Variants in CTNNA3 observed in about 807,000 individuals in gnomAD.
CTNNA3 encodes catenin alpha-3.
In CTNNA3, 76 loss-of-function variants were observed where a neutral mutation model predicts 95.7. The observed-to-expected ratio is 0.79, with a 90% CI of 0.66 to 0.96. The LOEUF is 0.96. Among genes scored for constraint, CTNNA3 ranks in the 40% least tolerant of loss-of-function variants. CTNNA3 has a pLI of 0.00. For synonymous variants in CTNNA3, 431 were observed against 374.4 expected (o/e 1.15, Z -1.74); for missense variants, 1,191 against 1,089.8 (o/e 1.09, Z -1.31).
chr10:67,153,429 C>A (rs1861172156), intron 7 of CTNNA3, among the ~76,000 whole-genome samples: 1 of 152,174 alleles, frequency 6.6e-6, no homozygotes, highest in South Asian at 2.1e-4. Flanking sequence ...ATTTTATATA[C>A]TTTATCTCAT....
intron 9 of CTNNA3, among the ~76,000 whole-genome samples, chr10:66,635,252 T>C (rs76211630): frequency 0.023 from 3,526 of 152,134 alleles, 146 homozygotes; most frequent in African/African-American, 0.081. Flanking sequence ...ATGAAACAAA[T>C]CTAAACTATA....
At chr10:66,598,285 C>T (rs1480359868) in intron 10 of CTNNA3, among the ~76,000 whole-genome samples, 1 of 151,948 alleles carries the variant, frequency 6.6e-6, no homozygotes, top group East Asian at 1.9e-4. Flanking sequence ...CCATTTATGA[C>T]AAATCCACAG....
chr10:67,409,286 G>GT (rs776619761), intron 5 of CTNNA3, among the ~76,000 whole-genome samples: 10 of 152,002 alleles, frequency 6.6e-5, no homozygotes, highest in Non-Finnish European at 1.0e-4. Context: ...GCATGCACAC[G>GT]TATGTTTATT....
intron 6 of CTNNA3, among the ~76,000 whole-genome samples, chr10:67,194,280 T>C (rs1297011488): frequency 2.0e-5 from 3 of 152,062 alleles, no homozygotes; most frequent in African/African-American, 7.2e-5. Flanking sequence ...TTATAGCAGC[T>C]TTATTCATAA....
Position 67,180,489 on chromosome 10 carries a change from G to A in CTNNA3, c.875C>T (p.Thr292Ile). ...TAGTGATGGTCGTATTTCCTCCTCAGTTACTGTGAGTGGATTCAGGACAAT... is the reference window on the plus strand; with the variant it reads ...TAGTGATGGTCGTATTTCCTCCTCAATTACTGTGAGTGGATTCAGGACAAT... ...NLIVLNPLTV[T>I]EEEIRPSLEK... Residue 292 changes from threonine to isoleucine, a missense_variant, in exon 7 of 18, where the codon ACT becomes ATT. Coordinates refer to ENST00000433211, the MANE Select transcript of CTNNA3 (RefSeq NM_013266.4). The A allele has an allele frequency of 4.3e-6, 7 of 1,613,706 alleles. No homozygotes were observed. The highest frequency in any genetic ancestry group is 5.1e-6 in the Non-Finnish European group (6 of 1,179,720).
intron 17 of CTNNA3, among the ~76,000 whole-genome samples, chr10:65,941,003 CT>C (rs1399241102): frequency 6.6e-6 from 1 of 152,148 alleles, no homozygotes; most frequent in Non-Finnish European, 1.5e-5. Context: ...CCAAACAAAT[CT>C]TATGGATATA....
chr10:66,692,670 C>T (rs1847594712), intron 9 of CTNNA3, among the ~76,000 whole-genome samples: 2 of 152,006 alleles, frequency 1.3e-5, no homozygotes, highest in South Asian at 4.2e-4. Flanking sequence ...TCAGATTCAC[C>T]AAAGTTGAAA....
chr10:66,586,795 C>T (rs1843374271), intron 10 of CTNNA3, among the ~76,000 whole-genome samples: 1 of 152,100 alleles, frequency 6.6e-6, no homozygotes, highest in African/African-American at 2.4e-5. Flanking sequence ...TGTGTCTCTC[C>T]CGAAAGAAAC....
chr10:67,097,483 T>C (rs1858073059), intron 7 of CTNNA3: 1 of 960,628 alleles, frequency 1.0e-6, no homozygotes, highest in Non-Finnish European at 1.6e-6. Context: ...GGGCCACAGA[T>C]ATAACCATGG....
chr10:65,931,640 G>A (rs2077255188), intron 17 of CTNNA3, among the ~76,000 whole-genome samples: 1 of 152,210 alleles, frequency 6.6e-6, no homozygotes, highest in Non-Finnish European at 1.5e-5. Context: ...GAATATCAGA[G>A]GTTGGAGAAG....
intron 7 of CTNNA3, among the ~76,000 whole-genome samples, chr10:67,163,792 G>A (rs1861649579): frequency 6.6e-6 from 1 of 151,898 alleles, no homozygotes; most frequent in African/African-American, 2.4e-5. Context: ...CAGGAGGGTT[G>A]CAGGATATAA....
intron 13 of CTNNA3, among the ~76,000 whole-genome samples, chr10:66,228,581 A>C (rs1303592591): frequency 6.6e-6 from 1 of 152,098 alleles, no homozygotes; most frequent in African/African-American, 2.4e-5. Context: ...TTTGTGACCT[A>C]ACTTTGTGCT....
intron 13 of CTNNA3, among the ~76,000 whole-genome samples, chr10:66,104,558 T>C (rs1481921062): frequency 6.6e-5 from 10 of 152,206 alleles, no homozygotes; most frequent in Admixed American, 1.3e-4. Context: ...GTAGTACACA[T>C]TGTGCCCAAT....
chr10:66,307,300 A>G (rs1357303576), intron 12 of CTNNA3, among the ~76,000 whole-genome samples: 2 of 152,222 alleles, frequency 1.3e-5, no homozygotes, highest in African/African-American at 2.4e-5. Flanking sequence ...ATTATTAAGA[A>G]CTAAAAATAA....
chr10:66,968,612 A>G (rs529587506), intron 7 of CTNNA3, among the ~76,000 whole-genome samples: 1 of 152,244 alleles, frequency 6.6e-6, no homozygotes, highest in African/African-American at 2.4e-5. Context: ...CTAACAGAGA[A>G]AAGACACTCA....
intron 7 of CTNNA3, among the ~76,000 whole-genome samples, chr10:67,107,501 A>G (rs1439438415): frequency 3.9e-5 from 6 of 152,254 alleles, no homozygotes; most frequent in African/African-American, 1.4e-4. Flanking sequence ...TAATAATTGT[A>G]ACATCCTCCA....
At chr10:66,449,749 A>G (rs995458804) in intron 11 of CTNNA3, among the ~76,000 whole-genome samples, 5 of 152,180 alleles carry the variant, frequency 3.3e-5, no homozygotes, top group African/African-American at 1.2e-4. Context: ...GTCCGGCAAT[A>G]TATCTTTTAA....
chr10:67,191,695 A>AAACAATCTC (rs1167486067), intron 6 of CTNNA3, among the ~76,000 whole-genome samples: 1 of 152,000 alleles, frequency 6.6e-6, no homozygotes, highest in Non-Finnish European at 1.5e-5. Context: ...TATAGAGTCA[A>AAACAATCTC]AACAATCTAT....
intron 15 of CTNNA3, among the ~76,000 whole-genome samples, chr10:65,992,318 T>A (rs919756087): frequency 6.6e-6 from 1 of 152,008 alleles, no homozygotes; most frequent in African/African-American, 2.4e-5. Flanking sequence ...TTGAGGAAAA[T>A]CAATGTTAGT....
Sources: allele counts gnomAD v4.1 joint callset (sites outside exome capture counted in the v4.1 genomes callset), GRCh38; gene constraint gnomAD v4.1.1; transcripts MANE v1.5; gene names NCBI Gene and HGNC (gene_info 2026-07-23, HGNC 2026-07-21).